Variants in H2AZ2 observed in about 807,000 individuals in gnomAD.
The protein encoded by H2AZ2 is histone H2A.V.
Under a neutral mutation model 15.5 loss-of-function variants are expected in H2AZ2, and 5 were observed. The observed-to-expected ratio is 0.32, with a 90% CI of 0.17 to 0.68. H2AZ2 has a LOEUF of 0.68. Among genes scored for constraint, H2AZ2 ranks in the 30% least tolerant of loss-of-function variants. H2AZ2 has a pLI of 0.72. For synonymous variants in H2AZ2, 44 were observed against 57.4 expected (o/e 0.77, Z 1.05); for missense variants, 42 against 162.5 (o/e 0.26, Z 4.03).
At chr7:44,843,014 C>G (rs1793309446) in intron 2 of H2AZ2, among the ~76,000 whole-genome samples, 1 of 151,606 alleles carries the variant, frequency 6.6e-6, no homozygotes, top group Admixed American at 6.6e-5. Flanking sequence ...TGGCGCACGC[C>G]TGCAGTCCCA....
downstream of H2AZ2, chr7:44,827,564 A>G (rs925481454): frequency 1.3e-5 from 2 of 152,266 alleles, no homozygotes; most frequent in Admixed American, 1.3e-4. Context: ...TTAGCTGTAC[A>G]GTGGCTGTAC....
In H2AZ2 at chr7:44,847,999, C is replaced by G; in HGVS notation, c.-28G>C. ...TCTCGGCGCCGACTCCGCCTCCGCT[C>G]GGCCGCGCGCCCTCCCGCTGCCGAC... On this transcript the variant is annotated 5_prime_UTR_variant, in exon 1 of 5. Transcript: ENST00000308153. 7.4e-7 allele frequency: 1 copy of G among 1,344,394 alleles called. No individual in the cohort carries two copies. Among genetic ancestry groups the G allele is most frequent in the East Asian group, 3.1e-5 (1 of 32,418 alleles). 83.3% of individuals were successfully genotyped at this position (1,344,394 alleles called of 1,614,324 possible).
At chr7:44,843,842 G>C (rs901619550) in intron 1 of H2AZ2, among the ~76,000 whole-genome samples, 1 of 152,156 alleles carries the variant, frequency 6.6e-6, no homozygotes, top group African/African-American at 2.4e-5. Context: ...ACAGGCATAA[G>C]CCACAGTGCC....
rs145519025 is a variant in H2AZ2, at chr7:44,846,383, C to T, written c.3+1586G>A. On this transcript the variant is annotated intron_variant, in intron 1 of 4. Coordinates refer to ENST00000308153, the MANE Select transcript of H2AZ2 (RefSeq NM_012412.5). ...CTGTAATCCCAGCACTTTGTCAGGCCGAGGGGGGCGGATCACAAGGTCAAG... is the reference window on the plus strand; with the variant it reads ...CTGTAATCCCAGCACTTTGTCAGGCTGAGGGGGGCGGATCACAAGGTCAAG... Among the ~76,000 whole-genome samples, 270 of 152,030 alleles carry T rather than the reference C, an allele frequency of 1.8e-3. 3 individuals carry two copies. The highest frequency in any genetic ancestry group is 6.3e-3 in the African/African-American group (261 of 41,492).
In H2AZ2 at chr7:44,833,598, G is replaced by T; in HGVS notation, c.*903C>A. 1.4e-6 allele frequency: 1 copy of T among 732,328 alleles called. No homozygotes were observed. Among genetic ancestry groups the T allele is most frequent in the Non-Finnish European group, 1.7e-6 (1 of 598,726 alleles). The allele number at this position is 732,328 out of a possible 1,614,324, so 45.4% of individuals were successfully genotyped here. ...ACTCCTGACCTCAAGTGTTCCACCA[G>T]CCTCGGTCTCCCGAAGTGTTGGGAT... On this transcript the variant is annotated 3_prime_UTR_variant, in exon 5 of 5. Transcript: ENST00000308153.
chr7:44,831,535 C>T (rs78007897), downstream of H2AZ2, among the ~76,000 whole-genome samples: 70 of 151,896 alleles, frequency 4.6e-4, 1 homozygote, highest in African/African-American at 1.5e-3. Context: ...TGCACTCCCC[C>T]CCCCGCTTCT....
rs1793019257 is a variant in H2AZ2, at chr7:44,832,651, A to T, written c.*1850T>A. Among the ~76,000 whole-genome samples the T allele has an allele frequency of 6.6e-6, 1 of 152,238 alleles. No individual in the cohort carries two copies. Among genetic ancestry groups the T allele is most frequent in the African/African-American group, 2.4e-5 (1 of 41,464 alleles). On this transcript the variant is annotated 3_prime_UTR_variant, in exon 5 of 5. Coordinates refer to ENST00000308153, the MANE Select transcript of H2AZ2 (RefSeq NM_012412.5). Reference sequence around the variant, plus strand: ...GTCAATTAACTAGTACATTAACTCAAGTAACAGTTACTTAGCGCAGGGCAT... The same window carrying T: ...GTCAATTAACTAGTACATTAACTCATGTAACAGTTACTTAGCGCAGGGCAT...
intron 3 of H2AZ2, among the ~76,000 whole-genome samples, chr7:44,837,516 C>T: frequency 7.3e-6 from 1 of 137,570 alleles, no homozygotes; most frequent in African/African-American, 2.7e-5. Context: ...TTTTTTGAGA[C>T]ATGGTCTCAC....
intron 3 of H2AZ2, among the ~76,000 whole-genome samples, chr7:44,839,574 C>A (rs965211089): frequency 6.8e-6 from 1 of 147,882 alleles, no homozygotes; most frequent in South Asian, 2.2e-4. Flanking sequence ...CCCAGCTACT[C>A]GGGAGGCTGA....
chr7:44,846,062 C>CACACACACACACACACACAGAGAG, intron 1 of H2AZ2, among the ~76,000 whole-genome samples: 1 of 75,158 alleles, frequency 1.3e-5, no homozygotes, highest in East Asian at 3.3e-4. Context: ...CACACACACA[C>CACACACACACACACACACAGAGAG]AGAGAGAGAC....
chr7:44,826,958 C>A (rs1302155371), exon 5 of H2AZ2: 2 of 152,252 alleles, frequency 1.3e-5, no homozygotes, highest in East Asian at 3.9e-4. Flanking sequence ...GTATGCTATT[C>A]TTTGATTTTT....
intron 1 of H2AZ2, among the ~76,000 whole-genome samples, chr7:44,846,976 G>C (rs1793427599): frequency 6.6e-6 from 1 of 152,142 alleles, no homozygotes; most frequent in Admixed American, 6.6e-5. Flanking sequence ...TCTGTTTACA[G>C]TTAGGTGTTA....
At chr7:44,847,088 T>C (rs1374100797) in intron 1 of H2AZ2, among the ~76,000 whole-genome samples, 1 of 152,234 alleles carries the variant, frequency 6.6e-6, no homozygotes, top group Non-Finnish European at 1.5e-5. Context: ...TTTAAGCAGG[T>C]AGCTCCCGTT....
chr7:44,830,235 A>G (rs1792981191), downstream of H2AZ2: 1 of 1,402,896 alleles, frequency 7.1e-7, no homozygotes, highest in Non-Finnish European at 1.0e-6. Context: ...CTCATAGATG[A>G]GCTGATAACT....
At chr7:44,842,771 T>C (rs1056273398) in intron 2 of H2AZ2, among the ~76,000 whole-genome samples, 6 of 152,170 alleles carry the variant, frequency 3.9e-5, no homozygotes, top group African/African-American at 1.4e-4. Flanking sequence ...CTGGATAATG[T>C]TGTCCTCTGG....
At chr7:44,843,909 A>C (rs566348738) in intron 1 of H2AZ2, among the ~76,000 whole-genome samples, 1 of 152,328 alleles carries the variant, frequency 6.6e-6, no homozygotes, top group South Asian at 2.1e-4. Context: ...TCCAGATTAA[A>C]GAATCTTGCA....
At chr7:44,846,347 G>A (rs1223020100) in intron 1 of H2AZ2, among the ~76,000 whole-genome samples, 1 of 152,142 alleles carries the variant, frequency 6.6e-6, no homozygotes, top group African/African-American at 2.4e-5. Context: ...GCCGTGCGCG[G>A]TGGCTCACGC....
chr7:44,834,884 G>A (rs1793081094), intron 4 of H2AZ2: 1 of 192,170 alleles, frequency 5.2e-6, no homozygotes, highest in African/African-American at 2.4e-5. Flanking sequence ...CTGGGTTCAA[G>A]TGATTCTCCT....
chr7:44,841,945 G>GA (rs1267068675), intron 2 of H2AZ2, among the ~76,000 whole-genome samples: 2 of 152,130 alleles, frequency 1.3e-5, no homozygotes, highest in Non-Finnish European at 2.9e-5. Context: ...AGACTGAATT[G>GA]AAAAAACAAA....
Sources: gnomAD v4.1 joint callset for allele counts (sites outside exome capture counted in the v4.1 genomes callset) on GRCh38, gnomAD v4.1.1 for gene constraint, MANE v1.5 for transcripts, NCBI Gene and HGNC (gene_info 2026-07-23, HGNC 2026-07-21) for gene names.